Variants in UBN1 observed in about 807,000 individuals in gnomAD.
UBN1 encodes ubinuclein-1.
In UBN1, 17 loss-of-function variants were observed where a neutral mutation model predicts 108.5. That is an observed-to-expected ratio of 0.16 (90% CI 0.11 to 0.24). UBN1 has a LOEUF of 0.24. Among genes scored for constraint, UBN1 ranks in the 10% least tolerant of loss-of-function variants. UBN1 has a pLI of 1.00. For missense variants in UBN1, 1,595 were observed against 1,394.4 expected (o/e 1.14, Z -2.29); for synonymous variants, 726 against 564.2 (o/e 1.29, Z -4.07).
chr16:4,857,755 C>G (rs1345640899), intron 2 of UBN1, among the ~76,000 whole-genome samples: 1 of 152,316 alleles, frequency 6.6e-6, no homozygotes, highest in Non-Finnish European at 1.5e-5. Flanking sequence ...CCTGCAGCCC[C>G]TCATGCTGTG....
At chr16:4,875,745 G>A (rs377505493) in intron 15 of UBN1, among the ~76,000 whole-genome samples, 8 of 152,120 alleles carry the variant, frequency 5.3e-5, no homozygotes, top group Admixed American at 6.5e-5. Context: ...CTTGCCTTCC[G>A]TGACCCCTTG....
chr16:4,856,528 C>T (rs143350478), intron 2 of UBN1, among the ~76,000 whole-genome samples: 5 of 152,272 alleles, frequency 3.3e-5, no homozygotes, highest in African/African-American at 4.8e-5. Flanking sequence ...GGTACCACCG[C>T]AGGTAACAGA....
intron 6 of UBN1, 84 bp downstream of exon 6, chr16:4,860,052 A>C: frequency 6.4e-7 from 1 of 1,558,694 alleles, no homozygotes; most frequent in Non-Finnish European, 8.7e-7. Flanking sequence ...TCCTCCCCAC[A>C]GCTTCGGAAG....
chr16:4,874,741 T>A lies in UBN1; in HGVS notation c.2331T>A (p.His777Gln), dbSNP rs540762282. 2.2e-4 allele frequency: 350 copies of A among 1,613,928 alleles called. No homozygotes were observed. The highest frequency in any genetic ancestry group is 2.8e-4 in the Non-Finnish European group (334 of 1,180,026). ...TCAATAAGGGCCTGCCAGAAGTACA[T>A]CAGTCCAAAGCTAAGCACCACAGCT... ...APLNKGLPEVHQSKAKHHSLP... is the reference protein window; with the variant it reads ...APLNKGLPEVQQSKAKHHSLP... The change falls in exon 15 of 18, where the codon CAT (histidine) becomes CAA (glutamine). Residue 777 changes from histidine (H) to glutamine (Q), a missense_variant. His to Gln is a conservative substitution (Grantham distance 24, BLOSUM62 0). Around this residue, in one of 3 missense-constraint regions of UBN1, gnomAD observed 1,398 missense variants for 1,194.7 expected, o/e 1.17. Coordinates refer to ENST00000262376, the MANE Select transcript of UBN1 (RefSeq NM_001079514.3).
chr16:4,858,035 C>T lies in UBN1; in HGVS notation c.295C>T (p.His99Tyr), dbSNP rs780933507. Residue 99 changes from histidine (H) to tyrosine (Y), a missense_variant, in exon 3 of 18, where the codon CAT (histidine) becomes TAT (tyrosine). Physicochemically the swap from His to Tyr is moderately conservative, Grantham distance 83 (BLOSUM62 2). Coordinates refer to ENST00000262376, the MANE Select transcript of UBN1 (RefSeq NM_001079514.3). ...DPFNDEEKER[H>Y]KVEALARKFE... ...TTTCAATGACGAAGAAAAGGAAAGG[C>T]ATAAAGTAGAGGCCCTTGCCCGAAA... The T allele has an allele frequency of 6.2e-7, 1 of 1,613,486 alleles. No homozygotes were observed. Among genetic ancestry groups the T allele is most frequent in the South Asian group, 1.1e-5 (1 of 91,036 alleles).
rs760989128 is a variant in UBN1, at chr16:4,874,502, C to A, written c.2092C>A (p.Pro698Thr). 40 of 1,614,096 alleles carry A rather than the reference C, an allele frequency of 2.5e-5. No homozygotes were observed. Among genetic ancestry groups the A allele is most frequent in the Non-Finnish European group, 3.4e-5 (40 of 1,180,056 alleles). Reference sequence around the variant, plus strand: ...GAACTCTGAATTCACACTGCCTGCACCCTCAAAAGCACCTGCAGAAAAAGT... The same window carrying A: ...GAACTCTGAATTCACACTGCCTGCAACCTCAAAAGCACCTGCAGAAAAAGT... ...AGNSEFTLPA[P>T]SKAPAEKVGG... Residue 698 changes from proline (P) to threonine (T), a missense_variant, in exon 15 of 18, where the codon CCC (proline) becomes ACC (threonine). By Grantham distance (38) the Pro-to-Thr change is conservative. Coordinates refer to ENST00000262376, the MANE Select transcript of UBN1 (RefSeq NM_001079514.3).
chr16:4,859,471 C>G (rs56005000), intron 5 of UBN1, among the ~76,000 whole-genome samples: 1 of 152,312 alleles, frequency 6.6e-6, no homozygotes, highest in East Asian at 1.9e-4. Flanking sequence ...ACCACTCTTG[C>G]TGACCCTCTT....
Position 4,880,325 on chromosome 16 carries a change from G to T in UBN1, c.*193G>T. The T allele has an allele frequency of 1.6e-6, 1 of 616,634 alleles. No homozygotes were observed. Among genetic ancestry groups the T allele is most frequent in the Non-Finnish European group, 2.9e-6 (1 of 347,036 alleles). 38.2% of individuals were successfully genotyped at this position (616,634 alleles called of 1,614,324 possible). A position where few individuals can be genotyped will look rare whatever the true frequency, so the allele number is the denominator to read the frequency against. On this transcript the variant is annotated 3_prime_UTR_variant, in exon 18 of 18. Transcript: ENST00000262376. Reference sequence around the variant, plus strand: ...GAGCCGGGCCCTTGCTGCTCAGGAGGTGCAGACTGCCCCGTGCTCTGGGCC... The same window carrying T: ...GAGCCGGGCCCTTGCTGCTCAGGAGTTGCAGACTGCCCCGTGCTCTGGGCC...
At chr16:4,859,324 TGAG>T (rs901212668) in intron 5 of UBN1, among the ~76,000 whole-genome samples, 165 bp downstream of exon 5, 65 of 152,306 alleles carry the variant, frequency 4.3e-4, no homozygotes, top group African/African-American at 1.5e-3. Flanking sequence ...TGTGCCCTAA[TGAG>T]GACACGTGCC....
At chr16:4,857,962 TA>T in intron 2 of UBN1, 27 bp from the exon 3 acceptor site, 1 of 1,533,336 alleles carries the variant, frequency 6.5e-7, no homozygotes, top group Non-Finnish European at 9.0e-7. Context: ...TTTTCTGACT[TA>T]TTTTTTGTGG....
At position 4,871,254 on chromosome 16, in the gene UBN1, G is replaced by A. The variant is rs2087617410; in HGVS notation, c.1659G>A (p.Leu553=). ...GGGAGGACTGTGTGAAGGGCTTTCT[G>A]GATGCGGAAGTCAAGCCCCTCTGGC... ...QAWEDCVKGF[L]DAEVKPLWPK... is the part of the protein sequence containing the mutation. The change falls in exon 12 of 18, where the codon CTG becomes CTA. Residue 553 remains leucine, a synonymous_variant. Transcript: ENST00000262376. 7 of 1,614,240 alleles carry A rather than the reference G, an allele frequency of 4.3e-6. No individual in the cohort carries two copies. The highest frequency in any genetic ancestry group is 5.9e-6 in the Non-Finnish European group (7 of 1,180,046).
Position 4,877,505 on chromosome 16 carries a change from C to A in UBN1, c.3355+31C>A. The A allele has an allele frequency of 6.3e-7, 1 of 1,586,256 alleles. No individual in the cohort carries two copies. The highest frequency in any genetic ancestry group is 1.1e-5 in the South Asian group (1 of 88,800). On this transcript the variant is annotated intron_variant, in intron 17 of 17. Coordinates refer to ENST00000262376, the MANE Select transcript of UBN1 (RefSeq NM_001079514.3). The surrounding 1 kb of genome is among the most constrained non-coding windows in gnomAD (Gnocchi z 4.3). ...CACCCGACGGTCAGTGTGCCACGCG[C>A]ACCGTGTGCCTTTGCCCTCTCCACC...
intron 12 of UBN1, 134 bp from the exon 13 acceptor site, chr16:4,872,750 T>G (rs1221404865): frequency 5.8e-6 from 6 of 1,029,718 alleles, no homozygotes; most frequent in Admixed American, 2.2e-5. Context: ...ATTACAGGCG[T>G]GAGCCACTGC....
chr16:4,871,096 G>A (rs2087610243), intron 11 of UBN1, 59 bp from the exon 12 acceptor site: 2 of 1,608,094 alleles, frequency 1.2e-6, no homozygotes, highest in African/African-American at 2.7e-5. Flanking sequence ...GCACATGATT[G>A]GAACCTTGGA....
intron 2 of UBN1, among the ~76,000 whole-genome samples, chr16:4,854,191 G>A (rs1170672884): frequency 2.6e-5 from 4 of 151,664 alleles, no homozygotes; most frequent in East Asian, 1.9e-4. Flanking sequence ...CCGCCACCAC[G>A]CCCGGCAAAT....
chr16:4,868,574 T>A, intron 7 of UBN1, among the ~76,000 whole-genome samples: 1 of 152,224 alleles, frequency 6.6e-6, no homozygotes, highest in African/African-American at 2.4e-5. Context: ...TTGTGATGGC[T>A]TTGACTCTGA....
intron 17 of UBN1, among the ~76,000 whole-genome samples, chr16:4,879,790 A>G (rs2088025161): frequency 1.3e-5 from 2 of 152,186 alleles, no homozygotes; most frequent in African/African-American, 2.4e-5. Flanking sequence ...CAGGATGGCA[A>G]TTGTAGCCTG....
chr16:4,859,213 C>T (rs1182136596), intron 5 of UBN1, 54 bp downstream of exon 5: 1 of 1,590,414 alleles, frequency 6.3e-7, no homozygotes, highest in African/African-American at 1.3e-5. Context: ...GTGACCCTAT[C>T]AGATCAGTAG....
intron 17 of UBN1, among the ~76,000 whole-genome samples, chr16:4,879,271 T>C (rs2088007314): frequency 1.3e-5 from 2 of 152,276 alleles, no homozygotes; most frequent in South Asian, 4.1e-4. Context: ...CCATAAAATA[T>C]GTGTCATTAT....
Sources: gnomAD v4.1 joint callset for allele counts (sites outside exome capture counted in the v4.1 genomes callset) on GRCh38, gnomAD v4.1.1 for gene constraint, gnomAD v4.1.1 regional missense constraint, Gnocchi (gnomAD v3.1) non-coding constraint, MANE v1.5 for transcripts, NCBI Gene and HGNC (gene_info 2026-07-23, HGNC 2026-07-21) for gene names.